PTPRT: variants seen among roughly 807,000 people sequenced by gnomAD.
The protein encoded by PTPRT is protein tyrosine phosphatase receptor type T.
Under a neutral mutation model 176.8 loss-of-function variants are expected in PTPRT, and 56 were observed. That is an observed-to-expected ratio of 0.32 (90% CI 0.26 to 0.40). The LOEUF (loss-of-function observed/expected upper bound fraction) is 0.40. PTPRT is among the 10% of genes least tolerant of loss of function. PTPRT has a pLI of 1.00. For missense variants in PTPRT, 1,540 were observed against 1,908.2 expected (o/e 0.81, Z 3.60); for synonymous variants, 783 against 739.0 (o/e 1.06, Z -0.96).
At chr20:43,140,164 G>A (rs1028068893) in intron 1 of PTPRT, among the ~76,000 whole-genome samples, 5 of 152,012 alleles carry the variant, frequency 3.3e-5, no homozygotes, top group African/African-American at 1.2e-4. Context: ...TTTTACAACT[G>A]ATAAACCAGA....
At chr20:42,127,373 T>C (rs1401042867) in intron 19 of PTPRT, among the ~76,000 whole-genome samples, 1 of 151,968 alleles carries the variant, frequency 6.6e-6, no homozygotes, top group African/African-American at 2.4e-5. Context: ...TCCTCCAGTG[T>C]CTGTCTGTCT....
At chr20:42,637,005 A>T (rs1294646628) in intron 7 of PTPRT, among the ~76,000 whole-genome samples, 1 of 151,966 alleles carries the variant, frequency 6.6e-6, no homozygotes, top group Non-Finnish European at 1.5e-5. Context: ...CTGACTCTGG[A>T]GGGATACAAT....
chr20:42,834,695 C>T (rs1569182295), intron 2 of PTPRT, among the ~76,000 whole-genome samples: 1 of 152,098 alleles, frequency 6.6e-6, no homozygotes, highest in Non-Finnish European at 1.5e-5. Context: ...CCGTACCCCA[C>T]CACCCTTTTT....
At chr20:42,135,871 ACTC>A in intron 18 of PTPRT, among the ~76,000 whole-genome samples, 1 of 151,738 alleles carries the variant, frequency 6.6e-6, no homozygotes, top group Non-Finnish European at 1.5e-5. Context: ...TAGGGTCCTC[ACTC>A]CTCCTGGAAC....
chr20:42,657,816 A>C (rs2075152312), intron 7 of PTPRT, among the ~76,000 whole-genome samples: 1 of 152,014 alleles, frequency 6.6e-6, no homozygotes, highest in Non-Finnish European at 1.5e-5. Flanking sequence ...AAGTATACAG[A>C]TCTCTTACCT....
chr20:42,354,583 T>C (rs1276411505), intron 9 of PTPRT, among the ~76,000 whole-genome samples: 2 of 152,230 alleles, frequency 1.3e-5, no homozygotes, highest in Non-Finnish European at 2.9e-5. Context: ...TTCTAGGCCC[T>C]GCACTGTGTG....
intron 27 of PTPRT, among the ~76,000 whole-genome samples, chr20:42,089,814 TAAGAG>T (rs1984416817): frequency 6.6e-6 from 1 of 152,046 alleles, no homozygotes; most frequent in African/African-American, 2.4e-5. Flanking sequence ...CCATGGGAAA[TAAGAG>T]AAAGAAAGCA....
Position 42,221,441 on chromosome 20 carries a change from G to A in PTPRT, c.2342+14788C>T, listed in dbSNP as rs183301469. On this transcript the variant is annotated intron_variant, in intron 15 of 30. Coordinates refer to ENST00000373187, the MANE Select transcript of PTPRT (RefSeq NM_007050.6). ...TTCTGCATGGCTGGAGAGGCTTCAG[G>A]AAACTTACAATCATGACAGAAAGCA... Among the ~76,000 whole-genome samples, 1,073 of 152,148 alleles carry A rather than the reference G, an allele frequency of 7.1e-3. 8 individuals are homozygous for A. Among genetic ancestry groups the A allele is most frequent in the Non-Finnish European group, 0.012 (795 of 68,014 alleles).
chr20:43,187,976 C>G (rs1013364417), intron 1 of PTPRT, among the ~76,000 whole-genome samples: 45 of 152,188 alleles, frequency 3.0e-4, no homozygotes, highest in African/African-American at 9.2e-4. Flanking sequence ...GACAGCTTCC[C>G]GAGCCGGTAC....
At chr20:43,013,915 A>G (rs1207105966) in intron 1 of PTPRT, among the ~76,000 whole-genome samples, 1 of 152,208 alleles carries the variant, frequency 6.6e-6, no homozygotes, top group Admixed American at 6.5e-5. Flanking sequence ...CATGAGGAGA[A>G]TAATAGCAAA....
At chr20:42,065,265 T>G in the PTPRT span, among the ~76,000 whole-genome samples, 6 of 149,524 alleles carry the variant, frequency 4.0e-5, no homozygotes. Flanking sequence ...CAACGGTAAC[T>G]GTAACAATGA....
At chr20:42,808,992 T>TG (rs1357818733) in intron 2 of PTPRT, among the ~76,000 whole-genome samples, 1 of 152,178 alleles carries the variant, frequency 6.6e-6, no homozygotes, top group Non-Finnish European at 1.5e-5. Context: ...ACTGGGACCC[T>TG]GCAGGTGAAG....
chr20:42,353,375 C>A (rs2058314759), intron 9 of PTPRT, among the ~76,000 whole-genome samples: 1 of 152,146 alleles, frequency 6.6e-6, no homozygotes, highest in Admixed American at 6.5e-5. Context: ...AATGGAGAAA[C>A]TGAGGTGCCA....
chr20:42,902,770 T>C (rs1049097646), intron 1 of PTPRT, among the ~76,000 whole-genome samples: 1 of 152,198 alleles, frequency 6.6e-6, no homozygotes, highest in African/African-American at 2.4e-5. Context: ...GGGATTAGAA[T>C]TACTTTCAAC....
intron 7 of PTPRT, among the ~76,000 whole-genome samples, chr20:42,509,888 C>T (rs1025892613): frequency 1.3e-5 from 2 of 152,006 alleles, no homozygotes; most frequent in Non-Finnish European, 2.9e-5. Flanking sequence ...CCTGACATAC[C>T]ACCCACAGGG....
At chr20:43,063,691 G>A (rs1401417330) in intron 1 of PTPRT, 2 of 152,254 alleles carry the variant, frequency 1.3e-5, no homozygotes, top group Non-Finnish European at 2.9e-5. Context: ...TGGCTTCATA[G>A]TGAGTGCTGG....
chr20:42,885,780 C>A, intron 2 of PTPRT, 27 bp downstream of exon 2: 1 of 1,590,234 alleles, frequency 6.3e-7, no homozygotes, highest in South Asian at 1.1e-5. Flanking sequence ...ATCCCCATTA[C>A]AGCCCCAAAC....
intron 1 of PTPRT, among the ~76,000 whole-genome samples, chr20:43,090,772 C>A (rs1424788663): frequency 6.6e-6 from 1 of 151,862 alleles, no homozygotes; most frequent in African/African-American, 2.4e-5. Context: ...AAAGACCATA[C>A]CATGAAACAA....
chr20:42,193,472 C>T (rs1347955730), intron 16 of PTPRT, among the ~76,000 whole-genome samples: 1 of 152,240 alleles, frequency 6.6e-6, no homozygotes, highest in African/African-American at 2.4e-5. Context: ...CTACCATCCA[C>T]AGTAGAGGAG....
Sources: gnomAD v4.1 joint callset for allele counts (sites outside exome capture counted in the v4.1 genomes callset) on GRCh38, gnomAD v4.1.1 for gene constraint, MANE v1.5 for transcripts, NCBI Gene and HGNC (gene_info 2026-07-23, HGNC 2026-07-21) for gene names.